BAHD1: variants seen among roughly 807,000 people sequenced by gnomAD.
BAHD1 encodes the protein bromo adjacent homology domain-containing 1 protein.
BAHD1 carries 20 observed loss-of-function variants against 63.1 expected under a neutral mutation model. The observed-to-expected ratio is 0.32, with a 90% CI of 0.22 to 0.46. The LOEUF (loss-of-function observed/expected upper bound fraction) is 0.46, where lower values mean the gene tolerates loss of function less well. BAHD1 is among the 20% of genes least tolerant of loss of function. The pLI, the probability that BAHD1 is intolerant of heterozygous loss-of-function variation, is 1.00. For synonymous variants in BAHD1, 408 were observed against 426.8 expected, an observed-to-expected ratio of 0.96 and a Z score of 0.54; for missense variants, 939 against 1,071.8, an observed-to-expected ratio of 0.88 and a Z score of 1.73.
intron 1 of BAHD1, among the ~76,000 whole-genome samples, chr15:40,455,778 T>C (rs1017431937): frequency 2.0e-5 from 3 of 152,226 alleles, no homozygotes; most frequent in African/African-American, 7.2e-5. Flanking sequence ...CTTTGGCCCG[T>C]GCTCAAATGC....
At chr15:40,443,482 C>T (rs557094678) in intron 1 of BAHD1, among the ~76,000 whole-genome samples, 57 of 152,300 alleles carry the variant, frequency 3.7e-4, no homozygotes, top group Non-Finnish European at 6.9e-4. Flanking sequence ...AAGGGGATGA[C>T]GTGGTCTGGC....
At chr15:40,465,912 TAA>T (rs1894186931) in intron 6 of BAHD1, 27 bp from the exon 7 acceptor site, 1 of 1,535,390 alleles carries the variant, frequency 6.5e-7, no homozygotes, top group African/African-American at 1.4e-5. Context: ...GTGGCTGGAG[TAA>T]AGACAGTGAA....
chr15:40,443,880 A>G (rs1481726667), intron 1 of BAHD1, among the ~76,000 whole-genome samples: 1 of 152,068 alleles, frequency 6.6e-6, no homozygotes, highest in Non-Finnish European at 1.5e-5. Context: ...TTCCCTAGCC[A>G]TACCATGCAC....
At chr15:40,461,170 G>A (rs1184082314) in intron 2 of BAHD1, among the ~76,000 whole-genome samples, 1 of 152,114 alleles carries the variant, frequency 6.6e-6, no homozygotes, top group African/African-American at 2.4e-5. Context: ...TGGGTGTAAT[G>A]ATACCTATCT....
intron 1 of BAHD1, among the ~76,000 whole-genome samples, chr15:40,452,482 CAG>C (rs1285481898): frequency 1.3e-5 from 2 of 152,226 alleles, no homozygotes; most frequent in Admixed American, 6.5e-5. Context: ...GAGTATTTCT[CAG>C]AGACACAGAG....
intron 1 of BAHD1, among the ~76,000 whole-genome samples, chr15:40,451,159 A>C (rs1893689790): frequency 6.6e-6 from 1 of 151,744 alleles, no homozygotes; most frequent in Non-Finnish European, 1.5e-5. Context: ...AAAAAAAAAA[A>C]AAAAAAAAAA....
intron 5 of BAHD1, chr15:40,464,943 A>C (rs991412094): frequency 3.7e-5 from 14 of 377,654 alleles, no homozygotes; most frequent in African/African-American, 2.7e-4. Flanking sequence ...TAGGCTCTCC[A>C]CCAAGCTGTG....
chr15:40,464,382 G>C, intron 4 of BAHD1, 89 bp from the exon 5 acceptor site: 1 of 1,166,396 alleles, frequency 8.6e-7, no homozygotes, highest in Non-Finnish European at 1.2e-6. Context: ...GAGGTTGGAT[G>C]AACCTCCAGG....
chr15:40,443,921 G>A (rs768732964), intron 1 of BAHD1, among the ~76,000 whole-genome samples: 1 of 151,982 alleles, frequency 6.6e-6, no homozygotes, highest in African/African-American at 2.4e-5. Flanking sequence ...CACTGCTGCC[G>A]CTCCCCTTCC....
At chr15:40,461,677 A>T in intron 2 of BAHD1, among the ~76,000 whole-genome samples, 1 of 151,996 alleles carries the variant, frequency 6.6e-6, no homozygotes, top group Non-Finnish European at 1.5e-5. Flanking sequence ...AGGATGTTCC[A>T]ACCACCTCTC....
chr15:40,462,697 G>T (rs1001211251), intron 3 of BAHD1, among the ~76,000 whole-genome samples: 9 of 152,112 alleles, frequency 5.9e-5, no homozygotes, highest in African/African-American at 2.2e-4. Context: ...AGAACATCTC[G>T]GATGATGAAA....
chr15:40,441,456 C>T (rs915461422), intron 1 of BAHD1, among the ~76,000 whole-genome samples, 188 bp downstream of exon 1: 3 of 150,098 alleles, frequency 2.0e-5, no homozygotes, highest in Non-Finnish European at 4.5e-5. Context: ...GCAGGTGCGG[C>T]CGCCCGCCCG....
At chr15:40,455,713 G>T (rs1163895099) in intron 1 of BAHD1, among the ~76,000 whole-genome samples, 1 of 152,198 alleles carries the variant, frequency 6.6e-6, no homozygotes, top group Non-Finnish European at 1.5e-5. Flanking sequence ...CTCCACCTTG[G>T]CTCCCAGCCG....
At chr15:40,456,210 C>A (rs1239246423) in intron 1 of BAHD1, among the ~76,000 whole-genome samples, 1 of 152,104 alleles carries the variant, frequency 6.6e-6, no homozygotes, top group African/African-American at 2.4e-5. Flanking sequence ...GATCTCCTGA[C>A]ATCATGATCC....
At chr15:40,443,790 G>A (rs576391554) in intron 1 of BAHD1, among the ~76,000 whole-genome samples, 35 of 152,072 alleles carry the variant, frequency 2.3e-4, no homozygotes, top group African/African-American at 7.2e-4. Flanking sequence ...ACCCCTTCCC[G>A]GTGTCACTCC....
intron 6 of BAHD1, 36 bp downstream of exon 6, chr15:40,465,471 C>G: frequency 6.6e-7 from 1 of 1,514,310 alleles, no homozygotes; most frequent in Non-Finnish European, 9.2e-7. Flanking sequence ...CTGGCCTCTT[C>G]CCTCAGGCTC....
chr15:40,465,861 G>A (rs968289366), intron 6 of BAHD1, 80 bp from the exon 7 acceptor site: 12 of 1,401,882 alleles, frequency 8.6e-6, no homozygotes, highest in South Asian at 4.2e-5. Flanking sequence ...TCTCTGGGTC[G>A]GGTAGGGTAG....
Position 40,463,138 on chromosome 15 carries a change from G to GA in BAHD1, c.1816-715dup, listed in dbSNP as rs550373200. Among the ~76,000 whole-genome samples, 657 of 151,762 alleles carry GA rather than the reference G, an allele frequency of 4.3e-3. 5 individuals carry two copies. Among genetic ancestry groups the GA allele is most frequent in the African/African-American group, 0.015 (623 of 41,370 alleles). ...TCGACATAGCAAGATCCTGTCTACA[G>GA]AAAAAAAATTTTTTTAATTAGCCAG... On this transcript the variant is annotated intron_variant, in intron 3 of 6. Transcript: ENST00000416165.
At chr15:40,446,010 T>G (rs1414622132) in intron 1 of BAHD1, among the ~76,000 whole-genome samples, 1 of 152,138 alleles carries the variant, frequency 6.6e-6, no homozygotes, top group Non-Finnish European at 1.5e-5. Flanking sequence ...TCATGATAAT[T>G]AGAGATAGAG....
Sources: gnomAD v4.1 joint callset for allele counts (sites outside exome capture counted in the v4.1 genomes callset) on GRCh38, gnomAD v4.1.1 for gene constraint, MANE v1.5 for transcripts, NCBI Gene and HGNC (gene_info 2026-07-23, HGNC 2026-07-21) for gene names.